Variants in PTPRT observed in about 807,000 individuals in gnomAD.
PTPRT encodes protein tyrosine phosphatase receptor type T.
PTPRT carries 56 observed loss-of-function variants against 176.8 expected under a neutral mutation model. That is an observed-to-expected ratio of 0.32 (90% CI 0.26 to 0.40). The LOEUF is 0.40. PTPRT is among the 10% of genes least tolerant of loss of function. The probability of loss-of-function intolerance (pLI) is 1.00; values close to 1 mark genes in which losing one functional copy is unlikely to be tolerated. For missense variants in PTPRT, 1,540 were observed against 1,908.2 expected, an observed-to-expected ratio of 0.81 and a Z score of 3.60; for synonymous variants, 783 against 739.0, an observed-to-expected ratio of 1.06 and a Z score of -0.96.
chr20:42,374,866 T>C (rs2058632092), intron 9 of PTPRT, among the ~76,000 whole-genome samples: 1 of 152,198 alleles, frequency 6.6e-6, no homozygotes, highest in Non-Finnish European at 1.5e-5. Context: ...TACAAGAAGT[T>C]AGTAACAACT....
At position 42,364,113 on chromosome 20, in the gene PTPRT, T is replaced by C. The variant is rs183049567; in HGVS notation, c.1561-11828A>G. 1.1e-4 allele frequency among the ~76,000 whole-genome samples: 17 copies of C among 152,230 alleles called. No individual in the cohort carries two copies. In the East Asian group the frequency reaches 3.3e-3, roughly 29 times the overall value. ...TCAGGGGACTTGATGCTAGAATGCATTTCCAAGCACCCCAGAGGGGTTTTC... is the reference window on the plus strand; with the variant it reads ...TCAGGGGACTTGATGCTAGAATGCACTTCCAAGCACCCCAGAGGGGTTTTC... On this transcript the variant is annotated intron_variant, in intron 9 of 30. Transcript: ENST00000373187.
At chr20:42,649,349 T>G (rs561539220) in intron 7 of PTPRT, among the ~76,000 whole-genome samples, 1 of 152,272 alleles carries the variant, frequency 6.6e-6, no homozygotes, top group Non-Finnish European at 1.5e-5. Flanking sequence ...TACCTCTCAC[T>G]GGATCCCTCC....
intron 1 of PTPRT, among the ~76,000 whole-genome samples, chr20:43,006,919 C>A (rs1195437872): frequency 6.6e-6 from 1 of 152,144 alleles, no homozygotes; most frequent in Non-Finnish European, 1.5e-5. Context: ...GTCCCTGAGA[C>A]CACACACAGT....
At chr20:42,621,952 GTGA>G (rs1419642582) in intron 7 of PTPRT, among the ~76,000 whole-genome samples, 1 of 152,146 alleles carries the variant, frequency 6.6e-6, no homozygotes, top group Non-Finnish European at 1.5e-5. Flanking sequence ...AAAAGCAGAG[GTGA>G]AATGAGAGAG....
At chr20:42,373,239 G>T (rs1362344167) in intron 9 of PTPRT, among the ~76,000 whole-genome samples, 1 of 152,220 alleles carries the variant, frequency 6.6e-6, no homozygotes, top group Non-Finnish European at 1.5e-5. Flanking sequence ...TCAAGGTCAT[G>T]GAACTAATGG....
intron 17 of PTPRT, among the ~76,000 whole-genome samples, chr20:42,143,990 T>C (rs1988750899): frequency 6.6e-6 from 1 of 152,202 alleles, no homozygotes; most frequent in Non-Finnish European, 1.5e-5. Flanking sequence ...ATTTCTTCCA[T>C]GCTCTGTGGG....
At chr20:42,667,902 T>C (rs1034514247) in intron 7 of PTPRT, among the ~76,000 whole-genome samples, 4 of 152,118 alleles carry the variant, frequency 2.6e-5, no homozygotes, top group Non-Finnish European at 5.9e-5. Flanking sequence ...TATGTGACTT[T>C]TCAGATTTCT....
chr20:42,418,674 T>G (rs1052164196), intron 9 of PTPRT, among the ~76,000 whole-genome samples: 1 of 151,970 alleles, frequency 6.6e-6, no homozygotes, highest in Non-Finnish European at 1.5e-5. Flanking sequence ...CAAAGATGGG[T>G]TCCCAGGCTC....
At chr20:42,739,622 T>A (rs1043325929) in intron 6 of PTPRT, among the ~76,000 whole-genome samples, 2 of 152,168 alleles carry the variant, frequency 1.3e-5, no homozygotes, top group African/African-American at 4.8e-5. Context: ...TGAGAGGGAC[T>A]GAGACTCTGA....
At chr20:42,796,344 G>A (rs532077935) in intron 2 of PTPRT, among the ~76,000 whole-genome samples, 6 of 152,042 alleles carry the variant, frequency 3.9e-5, no homozygotes, top group Non-Finnish European at 8.8e-5. Flanking sequence ...TACATCCATT[G>A]TCACAGAAAT....
intron 7 of PTPRT, among the ~76,000 whole-genome samples, chr20:42,654,116 C>A (rs942960336): frequency 6.6e-6 from 1 of 152,014 alleles, no homozygotes; most frequent in Non-Finnish European, 1.5e-5. Flanking sequence ...ACAACACTCC[C>A]AGGATGTTAG....
chr20:42,422,488 C>T (rs549315720), intron 9 of PTPRT, among the ~76,000 whole-genome samples: 1 of 152,278 alleles, frequency 6.6e-6, no homozygotes, highest in East Asian at 1.9e-4. Context: ...AAATCAAAAC[C>T]ACCATGAGAT....
intron 19 of PTPRT, among the ~76,000 whole-genome samples, chr20:42,121,305 C>T (rs900075191): frequency 5.9e-5 from 9 of 152,324 alleles, no homozygotes; most frequent in South Asian, 4.1e-4. Context: ...TTGGATTAAC[C>T]GCAGAGCAAT....
intron 9 of PTPRT, among the ~76,000 whole-genome samples, chr20:42,406,285 G>C (rs755084476): frequency 5.3e-5 from 8 of 151,720 alleles, no homozygotes; most frequent in Non-Finnish European, 1.0e-4. Flanking sequence ...AAAAAACATG[G>C]TACATTTGGT....
At chr20:42,802,375 G>A (rs1353091516) in intron 2 of PTPRT, among the ~76,000 whole-genome samples, 6 of 152,218 alleles carry the variant, frequency 3.9e-5, no homozygotes, top group Admixed American at 1.3e-4. Context: ...GGGGCAGGAG[G>A]TCTTGGCCAC....
intron 16 of PTPRT, among the ~76,000 whole-genome samples, chr20:42,163,910 T>C (rs1200143853): frequency 6.6e-6 from 1 of 152,246 alleles, no homozygotes; most frequent in Admixed American, 6.5e-5. Flanking sequence ...CTGTCATGAA[T>C]AGCTCTCATC....
intron 2 of PTPRT, among the ~76,000 whole-genome samples, chr20:42,863,264 G>T (rs1018650484): frequency 1.3e-5 from 2 of 152,196 alleles, no homozygotes; most frequent in African/African-American, 4.8e-5. Context: ...TTGTAAATGT[G>T]AATGAAGTGC....
intron 11 of PTPRT, among the ~76,000 whole-genome samples, chr20:42,341,344 T>C (rs564326351): frequency 5.3e-5 from 8 of 152,328 alleles, no homozygotes; most frequent in Admixed American, 3.9e-4. Flanking sequence ...TTCATTTCTC[T>C]GTAGTCCTGG....
intron 1 of PTPRT, among the ~76,000 whole-genome samples, chr20:43,067,238 A>G (rs6130285): frequency 6.6e-6 from 1 of 152,246 alleles, no homozygotes; most frequent in Middle Eastern, 3.2e-3. Flanking sequence ...CACATTTTGT[A>G]TAATTTAATG....
Sources: gnomAD v4.1 joint callset for allele counts (sites outside exome capture counted in the v4.1 genomes callset) on GRCh38, gnomAD v4.1.1 for gene constraint, MANE v1.5 for transcripts, NCBI Gene and HGNC (gene_info 2026-07-23, HGNC 2026-07-21) for gene names.